DTNA: variants seen among roughly 807,000 people sequenced by gnomAD.
DTNA encodes the protein dystrobrevin alpha, also known as dystrophin-related protein 3.
DTNA carries 43 observed loss-of-function variants against 100.7 expected under a neutral mutation model. The observed-to-expected ratio is 0.43, with a 90% CI of 0.33 to 0.55. The LOEUF is 0.55. Ranked by LOEUF, DTNA falls within the 20% of genes least tolerant of loss-of-function variation. The pLI is 0.04. For missense variants in DTNA, 798 were observed against 953.9 expected, an observed-to-expected ratio of 0.84 and a Z score of 2.15; for synonymous variants, 349 against 347.9, an observed-to-expected ratio of 1.00 and a Z score of -0.04.
At chr18:34,886,157 A>T (rs193262585) in intron 22 of DTNA, among the ~76,000 whole-genome samples, 1 of 152,372 alleles carries the variant, frequency 6.6e-6, no homozygotes, top group Admixed American at 6.5e-5. Flanking sequence ...CTGTTAAGTG[A>T]CATACTAATT....
intron 3 of DTNA, among the ~76,000 whole-genome samples, chr18:34,767,314 T>A (rs1027785496): frequency 7.2e-5 from 11 of 152,122 alleles, no homozygotes; most frequent in African/African-American, 2.7e-4. Context: ...CCCAGGCTTC[T>A]AGGCTTACAG....
At chr18:34,681,489 G>A (rs531742487) in intron 1 of DTNA, among the ~76,000 whole-genome samples, 2 of 152,192 alleles carry the variant, frequency 1.3e-5, no homozygotes, top group East Asian at 1.9e-4. Context: ...TCCTGCTCAC[G>A]TGAGCTTCCA....
chr18:34,791,487 A>G (rs1488792538), intron 3 of DTNA, among the ~76,000 whole-genome samples: 1 of 152,222 alleles, frequency 6.6e-6, no homozygotes, highest in East Asian at 1.9e-4. Flanking sequence ...GAGGAATCCC[A>G]GCTCTTCCCA....
chr18:34,790,549 CTATA>C (rs67141918), intron 3 of DTNA, among the ~76,000 whole-genome samples: 1,427 of 96,180 alleles, frequency 0.015, 328 homozygotes, highest in Middle Eastern at 0.062. Context: ...AAGCAGCATA[CTATA>C]TATATATATA....
At chr18:34,684,507 A>G (rs2078592019) in intron 1 of DTNA, among the ~76,000 whole-genome samples, 1 of 152,072 alleles carries the variant, frequency 6.6e-6, no homozygotes, top group South Asian at 2.1e-4. Flanking sequence ...ATATTATTCC[A>G]TGGTGTATTT....
intron 12 of DTNA, 26 bp from the exon 13 acceptor site, chr18:34,838,719 C>T: frequency 6.3e-7 from 1 of 1,599,674 alleles, no homozygotes; most frequent in Middle Eastern, 1.7e-4. Context: ...TAACAACACG[C>T]TTTCTTTCCC....
chr18:34,884,937 G>T (rs1232544443), intron 22 of DTNA, among the ~76,000 whole-genome samples, 161 bp downstream of exon 22: 1 of 152,178 alleles, frequency 6.6e-6, no homozygotes, highest in Non-Finnish European at 1.5e-5. Flanking sequence ...TCTGTGGAGG[G>T]TTTCATTATA....
chr18:34,867,194 A>G (rs976677566), intron 17 of DTNA: 7 of 1,231,226 alleles, frequency 5.7e-6, no homozygotes, highest in Middle Eastern at 3.1e-4. Context: ...GCTCTTTTCT[A>G]TTATTCATTA....
rs546897344 is a variant in DTNA at position 34,858,350 on chromosome 18, A to G, written c.1598A>G (p.Glu533Gly). 1.2e-6 allele frequency: 2 copies of G among 1,614,082 alleles called. No individual in the cohort carries two copies. The highest frequency in any genetic ancestry group is 1.3e-5 in the African/African-American group (1 of 74,936). ...EHEQASQPTP[E>G]KAQQNPTLLA... is the part of the protein sequence containing the mutation. The stretch of plus-strand genomic sequence containing the variant: ...GAACAAGCTTCTCAGCCCACGCCAG[A>G]GAAGGCACAGCAAAACCCCACCCTG... Residue 533 changes from glutamate (E) to glycine (G), a missense_variant, in exon 16 of 23, where the codon GAG (glutamate) becomes GGG (glycine). Transcript: ENST00000444659.
upstream of DTNA, among the ~76,000 whole-genome samples, chr18:34,706,948 C>CT (rs951244299): frequency 2.0e-5 from 3 of 152,068 alleles, no homozygotes; most frequent in Admixed American, 1.3e-4. Flanking sequence ...AACACACTTT[C>CT]TTTTTTAATT....
chr18:34,753,751 T>G (rs1351148808), intron 1 of DTNA, among the ~76,000 whole-genome samples: 1 of 152,220 alleles, frequency 6.6e-6, no homozygotes, highest in African/African-American at 2.4e-5. Context: ...TCACTTGTTC[T>G]ATCCTCTATC....
At chr18:34,874,492 G>T (rs1010531862) in intron 17 of DTNA, among the ~76,000 whole-genome samples, 2 of 152,174 alleles carry the variant, frequency 1.3e-5, no homozygotes, top group African/African-American at 4.8e-5. Context: ...GCAAAGATAA[G>T]TTCCTTCAGT....
chr18:34,852,082 C>G (rs1413227738), intron 15 of DTNA, among the ~76,000 whole-genome samples, 154 bp downstream of exon 15: 1 of 152,178 alleles, frequency 6.6e-6, no homozygotes, highest in Non-Finnish European at 1.5e-5. Flanking sequence ...AAAAGCTGGT[C>G]TTTAGATCTT....
At chr18:34,845,433 C>A (rs181222444) in intron 13 of DTNA, among the ~76,000 whole-genome samples, 13 of 152,174 alleles carry the variant, frequency 8.5e-5, no homozygotes, top group African/African-American at 3.1e-4. Context: ...TTAAAAGATA[C>A]TTTTATCAGA....
chr18:34,851,491 A>C (rs1452720402), intron 14 of DTNA, among the ~76,000 whole-genome samples: 1 of 152,238 alleles, frequency 6.6e-6, no homozygotes, highest in African/African-American at 2.4e-5. Flanking sequence ...TTTTAAAGCC[A>C]CCTATAATGA....
At chr18:34,597,782 C>T (rs149286753) in intron 1 of DTNA, among the ~76,000 whole-genome samples, 2 of 151,588 alleles carry the variant, frequency 1.3e-5, no homozygotes, top group African/African-American at 4.9e-5. Context: ...CCCCGCCCCC[C>T]CAGAATGCCT....
intron 1 of DTNA, among the ~76,000 whole-genome samples, chr18:34,575,756 AT>A (rs1445816351): frequency 6.6e-6 from 1 of 152,156 alleles, no homozygotes; most frequent in African/African-American, 2.4e-5. Context: ...AAATGACTGT[AT>A]TATAGCCTTT....
chr18:34,821,518 C>T (rs1464948277), intron 9 of DTNA: 3 of 456,318 alleles, frequency 6.6e-6, no homozygotes, highest in South Asian at 3.1e-5. Context: ...ACAAACAGTC[C>T]TTCCAGCCAT....
intron 13 of DTNA, among the ~76,000 whole-genome samples, chr18:34,840,097 A>T (rs2096241023): frequency 1.3e-5 from 2 of 152,182 alleles, no homozygotes; most frequent in Admixed American, 1.3e-4. Flanking sequence ...ACTGATGAAC[A>T]TTTATGTGCT....
Sources: allele counts gnomAD v4.1 joint callset (sites outside exome capture counted in the v4.1 genomes callset), GRCh38; gene constraint gnomAD v4.1.1; transcripts MANE v1.5; gene names NCBI Gene and HGNC (gene_info 2026-07-23, HGNC 2026-07-21).